CD8B2: variants seen among roughly 807,000 people sequenced by gnomAD.
The protein encoded by CD8B2 is T-cell surface glycoprotein CD8 beta-2 chain.
CD8B2 carries 11 observed loss-of-function variants against 23.7 expected under a neutral mutation model. That is an observed-to-expected ratio of 0.46 (90% CI 0.29 to 0.77). CD8B2 has a LOEUF of 0.77. Among genes scored for constraint, CD8B2 ranks in the 30% least tolerant of loss-of-function variants. The pLI, the probability that CD8B2 is intolerant of heterozygous loss-of-function variation, is 0.09. For missense variants in CD8B2, 197 were observed against 270.5 expected, an observed-to-expected ratio of 0.73 and a Z score of 1.91; for synonymous variants, 90 against 109.3, an observed-to-expected ratio of 0.82 and a Z score of 1.10.
chr2:106,506,405 G>A lies in CD8B2; in HGVS notation c.621-523G>A, dbSNP rs138684225. Among the ~76,000 whole-genome samples the A allele has an allele frequency of 6.2e-4, 95 of 152,234 alleles. 3 individuals carry two copies. Among genetic ancestry groups the A allele is most frequent in the Middle Eastern group, 3.4e-3 (1 of 294 alleles). On this transcript the variant is annotated intron_variant, in intron 5 of 5. Transcript: ENST00000643224. Reference sequence around the variant, plus strand: ...CTCACTCTCTTCATTTTGAACAGACGTACTCTCTTCTACTGTCTGGGTTTA... The same window carrying A: ...CTCACTCTCTTCATTTTGAACAGACATACTCTCTTCTACTGTCTGGGTTTA...
chr2:106,525,427 C>T (rs1679893011), intron 5 of CD8B2, among the ~76,000 whole-genome samples: 1 of 152,186 alleles, frequency 6.6e-6, no homozygotes, highest in Non-Finnish European at 1.5e-5. Flanking sequence ...TCTACTGAAG[C>T]ATCATACAGC....
chr2:106,526,921 C>G (rs186279568), intron 5 of CD8B2, among the ~76,000 whole-genome samples: 2 of 152,198 alleles, frequency 1.3e-5, no homozygotes, highest in African/African-American at 4.8e-5. Context: ...AGATTACAGG[C>G]GTGAGCCATG....
chr2:106,543,873 T>C (rs1335812715), intron 5 of CD8B2: 1 of 314,664 alleles, frequency 3.2e-6, no homozygotes, highest in Non-Finnish European at 5.2e-6. Context: ...TCCATGAACT[T>C]GGATGGATTT....
intron 5 of CD8B2, chr2:106,535,491 C>T (rs182856929): frequency 3.1e-4 from 47 of 152,138 alleles, no homozygotes; most frequent in African/African-American, 1.1e-3. Context: ...GGATGAGGCT[C>T]CTACCAGCTT....
In CD8B2 at chr2:106,528,975, C is replaced by T. The variant is rs202135861; in HGVS notation, c.621-15017C>T. 5.4e-4 allele frequency among the ~76,000 whole-genome samples: 82 copies of T among 152,248 alleles called. 1 individual carries two copies. In the East Asian group the frequency reaches 0.012, roughly 23 times the overall value. On this transcript the variant is annotated intron_variant, in intron 5 of 5. Coordinates refer to the CD8B2 transcript ENST00000416057. ...TCTCGACGAGTTTCCTGATATAGCG[C>T]CTTTCTGATCCTGGCAAGGGTAGAG...
At chr2:106,527,542 C>T (rs113214715) in intron 5 of CD8B2, among the ~76,000 whole-genome samples, 1,758 of 152,284 alleles carry the variant, frequency 0.012, 24 homozygotes, top group African/African-American at 0.038. Flanking sequence ...CCTAGCACTT[C>T]GGGAGACCGA....
At chr2:106,531,934 T>C (rs1403790702) in intron 5 of CD8B2, among the ~76,000 whole-genome samples, 3 of 152,244 alleles carry the variant, frequency 2.0e-5, no homozygotes, top group African/African-American at 7.2e-5. Context: ...AAGGAATGCA[T>C]GGCCTTTTGA....
chr2:106,500,549 TA>T (rs1438376737), intron 3 of CD8B2, among the ~76,000 whole-genome samples: 33 of 150,774 alleles, frequency 2.2e-4, no homozygotes, highest in African/African-American at 7.8e-4. Flanking sequence ...AATAAATAAA[TA>T]AATAAATAAA....
intron 1 of CD8B2, among the ~76,000 whole-genome samples, chr2:106,489,352 G>A (rs539847776): frequency 4.0e-5 from 6 of 151,492 alleles, no homozygotes; most frequent in Non-Finnish European, 2.9e-5. Flanking sequence ...GTCCAGGAGC[G>A]AAGTCAAAAA....
intron 2 of CD8B2, among the ~76,000 whole-genome samples, chr2:106,495,872 C>T (rs1247497748): frequency 6.6e-6 from 1 of 152,194 alleles, no homozygotes; most frequent in Non-Finnish European, 1.5e-5. Flanking sequence ...GATCATGGCT[C>T]ACTTCAGCCT....
At chr2:106,520,061 C>T (rs1034013972) in intron 5 of CD8B2, among the ~76,000 whole-genome samples, 1 of 152,188 alleles carries the variant, frequency 6.6e-6, no homozygotes, top group Non-Finnish European at 1.5e-5. Context: ...TGAATCACCC[C>T]AGGACAGTGT....
At position 106,520,972 on chromosome 2, in the gene CD8B2, C is replaced by T. The variant is rs145501682; in HGVS notation, c.620+16647C>T. ...TAGGCAAAAGAAAGAGATAGGAGAA[C>T]AACTCTCTCTCTAAGAAAAAATTGC... On this transcript the variant is annotated intron_variant, in intron 5 of 5. Transcript: ENST00000416057. Among the ~76,000 whole-genome samples the T allele has an allele frequency of 3.5e-4, 46 of 131,562 alleles. No homozygotes were observed. In the East Asian group the frequency reaches 0.01, roughly 29 times the overall value. 86.3% of individuals were successfully genotyped at this position (131,562 alleles called of 152,430 possible).
At chr2:106,513,776 A>C (rs1161040688), downstream of CD8B2, among the ~76,000 whole-genome samples, 1 of 152,174 alleles carries the variant, frequency 6.6e-6, no homozygotes, top group African/African-American at 2.4e-5. Flanking sequence ...GGAGAGCAAC[A>C]GTAAACGTGA....
At chr2:106,541,190 G>T (rs1278919937) in intron 5 of CD8B2, among the ~76,000 whole-genome samples, 2 of 152,138 alleles carry the variant, frequency 1.3e-5, no homozygotes, top group African/African-American at 4.8e-5. Context: ...GTTTGTATCT[G>T]TGTATCACTA....
chr2:106,487,446 T>C lies in CD8B2; in HGVS notation c.20T>C (p.Leu7Pro). ...GCCCCGATGCGGCCGCGGCTGTGGC[T>C]CCTCCTGGCCGCGCAGCTGACAGGT... MRPRLWLLLAAQLTVLH... is the reference protein window; with the variant it reads MRPRLWPLLAAQLTVLH... The change falls in exon 1 of 6, where the codon CTC (leucine) becomes CCC (proline). Residue 7 changes from leucine (L) to proline (P), a missense_variant. Leu to Pro is a moderately conservative substitution (Grantham distance 98, BLOSUM62 -3). This residue lies in a region of CD8B2 where 140 missense variants were observed against 164.2 expected (regional missense o/e 0.85). Transcript: ENST00000643224. The C allele has an allele frequency of 1.6e-6, 2 of 1,248,768 alleles. No homozygotes were observed. Among genetic ancestry groups the C allele is most frequent in the South Asian group, 3.5e-5 (1 of 28,506 alleles). The allele number at this position is 1,248,768 out of a possible 1,614,324, so 77.4% of individuals were successfully genotyped here. A position where few individuals can be genotyped will look rare whatever the true frequency, so the allele number is the denominator to read the frequency against.
rs1247666765 is a variant in CD8B2, at chr2:106,510,420, T to C, written c.*3480T>C. ...CAGAACATTGTAGAACCGTGTAAAA[T>C]TGGTATTTGGAAGTTTCTTCAGCAA... On this transcript the variant is annotated 3_prime_UTR_variant, in exon 6 of 6. Transcript: ENST00000643224. 6.6e-6 allele frequency: 1 copy of C among 152,138 alleles called. No individual in the cohort carries two copies. Among genetic ancestry groups the C allele is most frequent in the Non-Finnish European group, 1.5e-5 (1 of 68,022 alleles). 9.4% of individuals were successfully genotyped at this position (152,138 alleles called of 1,614,324 possible). A position where few individuals can be genotyped will look rare whatever the true frequency, so the allele number is the denominator to read the frequency against.
At chr2:106,489,536 T>G (rs1197684508) in intron 1 of CD8B2, among the ~76,000 whole-genome samples, 1 of 152,164 alleles carries the variant, frequency 6.6e-6, no homozygotes, top group Non-Finnish European at 1.5e-5. Context: ...TCTCTGTGCC[T>G]CCCAACTCCT....
At chr2:106,522,255 T>C (rs1314486344) in intron 5 of CD8B2, 1 of 152,332 alleles carries the variant, frequency 6.6e-6, no homozygotes, top group East Asian at 1.9e-4. Context: ...CTCCTGATTT[T>C]ATTTCCTCTC....
At position 106,496,609 on chromosome 2, in the gene CD8B2, G is replaced by A. The variant is rs565751853; in HGVS notation, c.493+347G>A. Reference sequence around the variant, plus strand: ...AACAAAATGTGGCTTATTTATTATCGTGGAATATTGTTTGGCCATAATAAA... The same window carrying A: ...AACAAAATGTGGCTTATTTATTATCATGGAATATTGTTTGGCCATAATAAA... On this transcript the variant is annotated intron_variant, in intron 3 of 5. Coordinates refer to ENST00000643224, the MANE Select transcript of CD8B2 (RefSeq NM_001349727.2). 2.9e-3 allele frequency among the ~76,000 whole-genome samples: 435 copies of A among 152,062 alleles called. 3 individuals are homozygous for A. The highest frequency in any genetic ancestry group is 1.0e-2 in the African/African-American group (413 of 41,448).
Sources: gnomAD v4.1 joint callset for allele counts (sites outside exome capture counted in the v4.1 genomes callset) on GRCh38, gnomAD v4.1.1 for gene constraint, gnomAD v4.1.1 regional missense constraint, MANE v1.5 for transcripts, NCBI Gene and HGNC (gene_info 2026-07-23, HGNC 2026-07-21) for gene names.